The following PCDH15 variants were observed in gnomAD, a reference collection of about 807,000 sequenced individuals.
The protein encoded by PCDH15 is protocadherin related 15.
A neutral mutation model predicts 178.5 loss-of-function variants in PCDH15; 129 were observed. The ratio of observed to expected loss-of-function variants is 0.72; its 90% CI spans 0.63 to 0.84. The LOEUF (loss-of-function observed/expected upper bound fraction) is 0.84. Ranked by LOEUF, PCDH15 falls within the 40% of genes least tolerant of loss-of-function variation. The pLI is 0.00. For missense variants in PCDH15, 2,230 were observed against 2,099.9 expected, an observed-to-expected ratio of 1.06 and a Z score of -1.21; for synonymous variants, 800 against 732.0, an observed-to-expected ratio of 1.09 and a Z score of -1.50.
chr10:54,239,000 T>C (rs978777693), intron 8 of PCDH15, among the ~76,000 whole-genome samples: 2 of 152,128 alleles, frequency 1.3e-5, no homozygotes, highest in African/African-American at 2.4e-5. Flanking sequence ...TTTTCTGCAG[T>C]TCCATTCTGC....
chr10:55,503,759 A>G (rs2132142589), intron 2 of PCDH15, among the ~76,000 whole-genome samples: 1 of 151,572 alleles, frequency 6.6e-6, no homozygotes, highest in South Asian at 2.1e-4. Flanking sequence ...ACAATCCAGA[A>G]CACTGAAAAC....
At chr10:53,808,387 AATAC>A in intron 37 of PCDH15, 1 of 1,028,518 alleles carries the variant, frequency 9.7e-7, no homozygotes, top group Non-Finnish European at 1.2e-6. Context: ...TGTCACTGAT[AATAC>A]ATAATGCCAC....
chr10:53,923,808 T>C (rs1176385446), intron 25 of PCDH15, among the ~76,000 whole-genome samples: 1 of 152,230 alleles, frequency 6.6e-6, no homozygotes, highest in Non-Finnish European at 1.5e-5. Context: ...AGGTCATCAC[T>C]ACATAAATTG....
At chr10:53,820,572 A>G (rs1000067020) in intron 32 of PCDH15, among the ~76,000 whole-genome samples, 4 of 152,070 alleles carry the variant, frequency 2.6e-5, no homozygotes, top group African/African-American at 7.2e-5. Context: ...AAAACTCCAG[A>G]GTGTTTTATA....
intron 13 of PCDH15, among the ~76,000 whole-genome samples, chr10:54,154,663 T>C (rs890257999): frequency 6.6e-6 from 1 of 152,218 alleles, no homozygotes; most frequent in Non-Finnish European, 1.5e-5. Context: ...ATATTATGCA[T>C]ATTCTATTTT....
chr10:55,043,142 T>A (rs1448414730), intron 2 of PCDH15, among the ~76,000 whole-genome samples: 4 of 151,688 alleles, frequency 2.6e-5, no homozygotes, highest in Non-Finnish European at 5.9e-5. Flanking sequence ...TTTTTAGAAC[T>A]TATTTTTTTG....
intron 21 of PCDH15, among the ~76,000 whole-genome samples, chr10:53,981,692 G>A (rs1336868258): frequency 3.3e-5 from 5 of 149,674 alleles, no homozygotes; most frequent in African/African-American, 7.4e-5. Context: ...AGACTTAAAC[G>A]TTAGACCTAA....
chr10:54,260,403 T>A (rs77403675), intron 8 of PCDH15, among the ~76,000 whole-genome samples: 103,647 of 151,320 alleles, frequency 0.68, 36,464 homozygotes, highest in Middle Eastern at 0.76. Context: ...TTTAAAAAAA[T>A]TTATAGAAAC....
intron 17 of PCDH15, among the ~76,000 whole-genome samples, chr10:54,069,920 A>C (rs1174805527): frequency 6.6e-6 from 1 of 152,156 alleles, no homozygotes; most frequent in Non-Finnish European, 1.5e-5. Context: ...ATATATATAT[A>C]ATGCCAGTTA....
intron 8 of PCDH15, among the ~76,000 whole-genome samples, chr10:54,316,116 T>C (rs980523320): frequency 6.6e-6 from 1 of 152,152 alleles, no homozygotes; most frequent in Non-Finnish European, 1.5e-5. Context: ...AACATATTTT[T>C]ATCCAATGCA....
At chr10:54,852,676 C>T (rs1329350903) in intron 3 of PCDH15, among the ~76,000 whole-genome samples, 1 of 150,892 alleles carries the variant, frequency 6.6e-6, no homozygotes, top group African/African-American at 2.4e-5. Flanking sequence ...GATGGTGAAA[C>T]CCCGTTTCTA....
chr10:53,888,295 T>TATATATATAC (rs2081251215), intron 26 of PCDH15, among the ~76,000 whole-genome samples: 1 of 44,610 alleles, frequency 2.2e-5, no homozygotes, highest in African/African-American at 7.9e-5. Context: ...TATATACATA[T>TATATATATAC]ATATATATAT....
chr10:54,530,296 C>G (rs1218792097), intron 2 of PCDH15, among the ~76,000 whole-genome samples: 1 of 152,098 alleles, frequency 6.6e-6, no homozygotes, highest in Admixed American at 6.6e-5. Context: ...TAATTTTATT[C>G]CTTTTTCAGG....
At chr10:54,984,602 T>G (rs10763160) in intron 2 of PCDH15, among the ~76,000 whole-genome samples, 56,033 of 151,986 alleles carry the variant, frequency 0.37, 12,608 homozygotes, top group African/African-American at 0.63. Context: ...ACTTTCAGAG[T>G]CTGAGGTGTG....
intron 2 of PCDH15, among the ~76,000 whole-genome samples, chr10:55,021,564 G>T (rs1840329025): frequency 6.6e-6 from 1 of 152,094 alleles, no homozygotes; most frequent in South Asian, 2.1e-4. Flanking sequence ...AAAGAAGTGA[G>T]TCTTGACCTT....
At chr10:55,467,454 A>G (rs925664299) in intron 2 of PCDH15, among the ~76,000 whole-genome samples, 7 of 150,490 alleles carry the variant, frequency 4.7e-5, no homozygotes, top group African/African-American at 1.5e-4. Context: ...AGACCAAAAT[A>G]TCTACAAAAT....
At chr10:54,422,493 G>T (rs1955663884) in intron 3 of PCDH15, among the ~76,000 whole-genome samples, 1 of 152,114 alleles carries the variant, frequency 6.6e-6, no homozygotes. Context: ...GGAGCAAGAA[G>T]AATGTAGAGC....
intron 13 of PCDH15, among the ~76,000 whole-genome samples, chr10:54,156,161 T>C (rs2045118966): frequency 6.6e-6 from 1 of 152,218 alleles, no homozygotes; most frequent in Admixed American, 6.5e-5. Context: ...GTGAGCTATT[T>C]GTTTTTTTTA....
intron 2 of PCDH15, among the ~76,000 whole-genome samples, chr10:54,573,730 G>A (rs1159568106): frequency 6.6e-6 from 1 of 151,940 alleles, no homozygotes. Context: ...TCAGATTCTG[G>A]TAATTGCATG....
Sources: allele counts gnomAD v4.1 joint callset (sites outside exome capture counted in the v4.1 genomes callset), GRCh38; gene constraint gnomAD v4.1.1; transcripts MANE v1.5; gene names NCBI Gene and HGNC (gene_info 2026-07-23, HGNC 2026-07-21).